CADPS2: variants seen among roughly 807,000 people sequenced by gnomAD.
The protein encoded by CADPS2 is calcium-dependent secretion activator 2.
A neutral mutation model predicts 172.5 loss-of-function variants in CADPS2; 93 were observed. The ratio of observed to expected loss-of-function variants is 0.54; its 90% CI spans 0.46 to 0.64. The LOEUF is 0.64. CADPS2 is among the 30% of genes least tolerant of loss of function. The pLI is 0.00. For missense variants in CADPS2, 1,420 were observed against 1,565.9 expected (o/e 0.91, Z 1.57); for synonymous variants, 546 against 555.2 (o/e 0.98, Z 0.23).
chr7:122,629,905 T>C (rs1188338774), intron 3 of CADPS2, among the ~76,000 whole-genome samples: 1 of 152,102 alleles, frequency 6.6e-6, no homozygotes, highest in African/African-American at 2.4e-5. Context: ...TGTTCTAAAT[T>C]TGACTGAAAA....
chr7:122,796,879 C>T (rs918271902), intron 1 of CADPS2, among the ~76,000 whole-genome samples: 17 of 151,932 alleles, frequency 1.1e-4, no homozygotes, highest in African/African-American at 3.9e-4. Context: ...GGATCTAACT[C>T]AACTAAACAG....
chr7:122,597,814 AT>A (rs1289056357), intron 6 of CADPS2, among the ~76,000 whole-genome samples: 1 of 152,072 alleles, frequency 6.6e-6, no homozygotes, highest in Non-Finnish European at 1.5e-5. Context: ...GTAACTGTGG[AT>A]TTTTGTTCCA....
chr7:122,492,853 T>A (rs978830315), intron 9 of CADPS2, among the ~76,000 whole-genome samples: 2 of 152,078 alleles, frequency 1.3e-5, no homozygotes, highest in Admixed American at 1.3e-4. Context: ...ACATCTACCA[T>A]GCCCAGCCAA....
intron 1 of CADPS2, among the ~76,000 whole-genome samples, chr7:122,774,788 C>A (rs760686433): frequency 1.1e-4 from 17 of 152,072 alleles, no homozygotes; most frequent in Non-Finnish European, 2.2e-4. Context: ...ATTAACTTTC[C>A]TTTGAGGCCT....
intron 14 of CADPS2, among the ~76,000 whole-genome samples, chr7:122,470,485 T>A (rs909851530): frequency 1.3e-5 from 2 of 151,850 alleles, no homozygotes; most frequent in African/African-American, 4.8e-5. Context: ...CAGATTTTTA[T>A]TTATTTTTTA....
intron 17 of CADPS2, among the ~76,000 whole-genome samples, chr7:122,423,892 G>A (rs758387480): frequency 6.6e-5 from 10 of 152,208 alleles, no homozygotes; most frequent in South Asian, 2.1e-4. Flanking sequence ...CAGTAGTTAC[G>A]AAAAACAAAG....
intron 3 of CADPS2, among the ~76,000 whole-genome samples, chr7:122,645,223 T>G (rs2078176740): frequency 1.5e-5 from 1 of 66,742 alleles, no homozygotes; most frequent in Non-Finnish European, 2.8e-5. Flanking sequence ...AGTATATATA[T>G]ACGCTAAGTA....
chr7:122,439,181 G>A (rs925459140), intron 16 of CADPS2, among the ~76,000 whole-genome samples: 3 of 152,070 alleles, frequency 2.0e-5, no homozygotes, highest in Non-Finnish European at 1.5e-5. Flanking sequence ...TACTGGGCAA[G>A]GGGAAAATGC....
At chr7:122,640,288 T>C (rs1183350253) in intron 3 of CADPS2, among the ~76,000 whole-genome samples, 1 of 152,126 alleles carries the variant, frequency 6.6e-6, no homozygotes, top group Non-Finnish European at 1.5e-5. Flanking sequence ...TCTCTCCCTT[T>C]CCCTCTTCTG....
chr7:122,369,994 C>T (rs1402664975), intron 25 of CADPS2, among the ~76,000 whole-genome samples: 1 of 152,202 alleles, frequency 6.6e-6, no homozygotes, highest in Non-Finnish European at 1.5e-5. Flanking sequence ...GCACTTCCTA[C>T]AAGCTTCTGC....
intron 2 of CADPS2, among the ~76,000 whole-genome samples, chr7:122,730,865 A>C (rs937863067): frequency 6.6e-6 from 1 of 151,734 alleles, no homozygotes; most frequent in African/African-American, 2.4e-5. Context: ...TCTTAAAATA[A>C]TATCACAGTA....
chr7:122,653,075 C>T (rs1167034977), intron 3 of CADPS2, among the ~76,000 whole-genome samples: 1 of 152,138 alleles, frequency 6.6e-6, no homozygotes, highest in African/African-American at 2.4e-5. Context: ...CCATCGATGT[C>T]ATGTGGCAGC....
At chr7:122,817,870 C>T (rs191708374) in intron 1 of CADPS2, among the ~76,000 whole-genome samples, 8 of 151,106 alleles carry the variant, frequency 5.3e-5, no homozygotes, top group African/African-American at 1.7e-4. Context: ...CATGCCCCGA[C>T]CTCTTATCTC....
chr7:122,369,134 C>G (rs1199722969), intron 25 of CADPS2, among the ~76,000 whole-genome samples: 13 of 92,180 alleles, frequency 1.4e-4, no homozygotes, highest in East Asian at 4.0e-4. Flanking sequence ...GTTTCCCCCC[C>G]CCCCCCCCTT....
chr7:122,627,753 T>C (rs1211709493), intron 4 of CADPS2, among the ~76,000 whole-genome samples: 7 of 152,230 alleles, frequency 4.6e-5, no homozygotes, highest in Non-Finnish European at 8.8e-5. Flanking sequence ...ACAGATCCAC[T>C]GTCCCTCCTG....
At chr7:122,582,565 A>T (rs2068991744) in intron 6 of CADPS2, among the ~76,000 whole-genome samples, 1 of 152,084 alleles carries the variant, frequency 6.6e-6, no homozygotes, top group Non-Finnish European at 1.5e-5. Flanking sequence ...AAGATGGTTT[A>T]CATAAAGCAA....
chr7:122,530,128 T>C (rs1030414370), intron 8 of CADPS2, among the ~76,000 whole-genome samples: 1 of 152,052 alleles, frequency 6.6e-6, no homozygotes, highest in Non-Finnish European at 1.5e-5. Flanking sequence ...TAAAGATAAA[T>C]TACCATGGTA....
chr7:122,517,587 T>G (rs2060474310), intron 8 of CADPS2, among the ~76,000 whole-genome samples: 1 of 152,112 alleles, frequency 6.6e-6, no homozygotes, highest in African/African-American at 2.4e-5. Flanking sequence ...ATTAGGGGGA[T>G]GTAGTCATTA....
chr7:122,606,630 G>A (rs573163147), intron 6 of CADPS2, among the ~76,000 whole-genome samples: 2 of 152,168 alleles, frequency 1.3e-5, no homozygotes, highest in African/African-American at 4.8e-5. Flanking sequence ...TGGGCCAAGT[G>A]TCATAGTCTG....
Sources: gnomAD v4.1 joint callset for allele counts (sites outside exome capture counted in the v4.1 genomes callset) on GRCh38, gnomAD v4.1.1 for gene constraint, MANE v1.5 for transcripts, NCBI Gene and HGNC (gene_info 2026-07-23, HGNC 2026-07-21) for gene names.